The following RAB11FIP4 variants were observed in gnomAD, a reference collection of about 807,000 sequenced individuals.
The protein encoded by RAB11FIP4 is RAB11 family interacting protein 4.
A neutral mutation model predicts 74.3 loss-of-function variants in RAB11FIP4; 23 were observed. The observed-to-expected ratio is 0.31, with a 90% confidence interval of 0.22 to 0.44. The LOEUF (loss-of-function observed/expected upper bound fraction) is 0.44. Ranked by LOEUF, RAB11FIP4 falls within the 20% of genes least tolerant of loss-of-function variation. The probability of loss-of-function intolerance (pLI) is 1.00; values close to 1 mark genes in which losing one functional copy is unlikely to be tolerated. For missense variants in RAB11FIP4, 630 were observed against 863.9 expected, an observed-to-expected ratio of 0.73 and a Z score of 3.39; for synonymous variants, 360 against 359.9, an observed-to-expected ratio of 1.00 and a Z score of 0.00.
intron 8 of RAB11FIP4, 138 bp from the exon 9 acceptor site, chr17:31,523,755 C>T: frequency 2.0e-6 from 2 of 992,176 alleles, no homozygotes; most frequent in Non-Finnish European, 3.2e-6. Flanking sequence ...CACGTGTTCC[C>T]CACTCCCCCA....
intron 5 of RAB11FIP4, 57 bp from the exon 6 acceptor site, chr17:31,521,858 G>A: frequency 6.2e-7 from 1 of 1,607,276 alleles, no homozygotes; most frequent in South Asian, 1.1e-5. Context: ...GCAGGGTGGT[G>A]TAGGGCACCA....
intron 1 of RAB11FIP4, among the ~76,000 whole-genome samples, chr17:31,424,651 C>G (rs1227638665): frequency 6.7e-6 from 1 of 150,336 alleles, no homozygotes; most frequent in Admixed American, 6.7e-5. Flanking sequence ...TCTCGGCTCA[C>G]TGCAACCTCC....
Position 31,535,137 on chromosome 17 carries a change from AG to A in RAB11FIP4, c.*3407del, listed in dbSNP as rs1597993454. On this transcript the variant is annotated 3_prime_UTR_variant, in exon 15 of 15. Coordinates refer to ENST00000621161, the MANE Select transcript of RAB11FIP4 (RefSeq NM_032932.6). ...ATTTCTGACCTATTAAAACATGAAC[AG>A]GCCAGGCATGGTGGCTCACGCCTGT... 6.6e-6 allele frequency: 1 copy of A among 152,334 alleles called. No individual in the cohort carries two copies. The highest frequency in any genetic ancestry group is 2.1e-4 in the South Asian group (1 of 4,830). The allele number at this position is 152,334 out of a possible 1,614,324, so 9.4% of individuals were successfully genotyped here.
intron 3 of RAB11FIP4, among the ~76,000 whole-genome samples, chr17:31,508,031 T>G (rs2072385427): frequency 6.6e-6 from 1 of 152,170 alleles, no homozygotes; most frequent in African/African-American, 2.4e-5. Context: ...TTTCACCATG[T>G]TTCCTATGCT....
chr17:31,392,839 C>T (rs1181997751), intron 1 of RAB11FIP4, among the ~76,000 whole-genome samples: 1 of 152,206 alleles, frequency 6.6e-6, no homozygotes, highest in East Asian at 1.9e-4. Flanking sequence ...GGACAAGACA[C>T]CCACCTGGCT....
chr17:31,438,591 C>T (rs767465590), intron 3 of RAB11FIP4, among the ~76,000 whole-genome samples: 9 of 152,078 alleles, frequency 5.9e-5, no homozygotes, highest in Non-Finnish European at 8.8e-5. Flanking sequence ...ACCCCCATCC[C>T]GCTCCTGGGA....
At chr17:31,457,622 T>A (rs1012034147) in intron 3 of RAB11FIP4, among the ~76,000 whole-genome samples, 1 of 151,946 alleles carries the variant, frequency 6.6e-6, no homozygotes, top group Non-Finnish European at 1.5e-5. Context: ...CTAGGACTGA[T>A]AAGAGACCCA....
intron 1 of RAB11FIP4, among the ~76,000 whole-genome samples, chr17:31,419,341 T>C (rs1351584946): frequency 6.6e-6 from 1 of 151,906 alleles, no homozygotes; most frequent in Non-Finnish European, 1.5e-5. Context: ...TTGATTTCTC[T>C]GCATCTTTTG....
At chr17:31,412,147 T>C (rs908069599) in intron 1 of RAB11FIP4, among the ~76,000 whole-genome samples, 1 of 152,150 alleles carries the variant, frequency 6.6e-6, no homozygotes, top group Admixed American at 6.5e-5. Context: ...GGCAGGGGTG[T>C]GGAGCAAGTG....
chr17:31,466,666 G>A (rs766488742), intron 3 of RAB11FIP4, among the ~76,000 whole-genome samples: 1 of 152,090 alleles, frequency 6.6e-6, no homozygotes, highest in Admixed American at 6.6e-5. Flanking sequence ...TTATAGCTTG[G>A]CAGAAAAAGA....
intron 3 of RAB11FIP4, among the ~76,000 whole-genome samples, chr17:31,507,848 T>A (rs1316344732): frequency 6.6e-6 from 1 of 152,138 alleles, no homozygotes; most frequent in African/African-American, 2.4e-5. Context: ...TTAACTAATT[T>A]ATTTTTAGAC....
chr17:31,424,323 C>G (rs1169325271), intron 1 of RAB11FIP4, among the ~76,000 whole-genome samples: 1 of 152,180 alleles, frequency 6.6e-6, no homozygotes, highest in Non-Finnish European at 1.5e-5. Flanking sequence ...TAACCAGAAC[C>G]AGGAGGCTTG....
intron 3 of RAB11FIP4, among the ~76,000 whole-genome samples, chr17:31,445,811 G>A (rs1273080027): frequency 1.3e-5 from 2 of 150,520 alleles, no homozygotes; most frequent in South Asian, 2.1e-4. Flanking sequence ...GGCTGGTCTT[G>A]AACTCCTGAC....
intron 3 of RAB11FIP4, among the ~76,000 whole-genome samples, chr17:31,478,936 T>G (rs921782304): frequency 6.6e-6 from 1 of 152,238 alleles, no homozygotes; most frequent in African/African-American, 2.4e-5. Context: ...CAATCATCCT[T>G]ACCAATTAGT....
intron 3 of RAB11FIP4, among the ~76,000 whole-genome samples, chr17:31,513,149 A>C (rs747504114): frequency 6.6e-6 from 1 of 152,044 alleles, no homozygotes; most frequent in Non-Finnish European, 1.5e-5. Context: ...GTCTACTTGG[A>C]AGTATGCTCA....
chr17:31,470,756 G>C (rs2071728821), intron 3 of RAB11FIP4, among the ~76,000 whole-genome samples: 1 of 152,174 alleles, frequency 6.6e-6, no homozygotes, highest in South Asian at 2.1e-4. Flanking sequence ...TCACAGATGT[G>C]AGCACTGAGG....
intron 3 of RAB11FIP4, among the ~76,000 whole-genome samples, chr17:31,460,499 T>C (rs1348281067): frequency 6.6e-6 from 1 of 152,138 alleles, no homozygotes; most frequent in Non-Finnish European, 1.5e-5. Flanking sequence ...GGAGATAAAT[T>C]AGAAGCCGCT....
At chr17:31,444,683 C>A (rs1052335916) in intron 3 of RAB11FIP4, among the ~76,000 whole-genome samples, 3 of 152,156 alleles carry the variant, frequency 2.0e-5, no homozygotes, top group Admixed American at 6.5e-5. Flanking sequence ...ACCTACTCAC[C>A]AAGTTAGAGC....
In RAB11FIP4 at chr17:31,395,378, A is replaced by G. The variant is rs935196444; in HGVS notation, c.159+3367A>G. On this transcript the variant is annotated intron_variant, in intron 1 of 14. Transcript: ENST00000621161. ...GAGATGTGCGTAGTGGCTTCCTTAT[A>G]AAGGGTAGAGTTTGGAAAGTGGGGG... Among the ~76,000 whole-genome samples the G allele has an allele frequency of 2.6e-5, 4 of 152,290 alleles. No homozygotes were observed. In the East Asian group the frequency reaches 7.7e-4, roughly 29 times the overall value.
Sources: gnomAD v4.1 joint callset for allele counts (sites outside exome capture counted in the v4.1 genomes callset) on GRCh38, gnomAD v4.1.1 for gene constraint, MANE v1.5 for transcripts, NCBI Gene and HGNC (gene_info 2026-07-23, HGNC 2026-07-21) for gene names.